Variants in IRAK3 observed in about 807,000 individuals in gnomAD.
IRAK3 encodes the protein interleukin 1 receptor associated kinase 3.
Under a neutral mutation model 56.6 loss-of-function variants are expected in IRAK3, and 57 were observed. That is an observed-to-expected ratio of 1.01 (90% confidence interval 0.81 to 1.26). IRAK3 has a LOEUF of 1.26. Ranked by LOEUF, IRAK3 falls within the 50% of genes most tolerant of loss-of-function variation. The pLI, the probability that IRAK3 is intolerant of heterozygous loss-of-function variation, is 0.00. For missense variants in IRAK3, 703 were observed against 719.0 expected, an observed-to-expected ratio of 0.98 and a Z score of 0.25; for synonymous variants, 258 against 255.7, an observed-to-expected ratio of 1.01 and a Z score of -0.09.
At chr12:66,226,889 G>A (rs2052792784) in intron 7 of IRAK3, 52 bp downstream of exon 7, 3 of 1,103,114 alleles carry the variant, frequency 2.7e-6, no homozygotes, top group Non-Finnish European at 4.2e-6. Flanking sequence ...GAATCCCTGG[G>A]AGAGCTGCTG....
intron 8 of IRAK3, among the ~76,000 whole-genome samples, chr12:66,236,072 T>C (rs2052904410): frequency 6.6e-6 from 1 of 152,252 alleles, no homozygotes; most frequent in Admixed American, 6.5e-5. Flanking sequence ...AGCTTGATAA[T>C]CTGTCATTTT....
chr12:66,233,798 T>G (rs2052871479), intron 8 of IRAK3, among the ~76,000 whole-genome samples: 1 of 144,146 alleles, frequency 6.9e-6, no homozygotes, highest in Non-Finnish European at 1.5e-5. Flanking sequence ...TTTTTTTTTT[T>G]GCATCATAAC....
intron 2 of IRAK3, among the ~76,000 whole-genome samples, chr12:66,208,774 A>G (rs758884419): frequency 7.1e-6 from 1 of 140,728 alleles, no homozygotes; most frequent in Non-Finnish European, 1.5e-5. Flanking sequence ...AAAAAAAGAA[A>G]AAAGGCCCAG....
intron 5 of IRAK3, among the ~76,000 whole-genome samples, chr12:66,214,485 G>A (rs1419090286): frequency 6.6e-6 from 1 of 152,042 alleles, no homozygotes; most frequent in African/African-American, 2.4e-5. Flanking sequence ...AGGTTGCAGT[G>A]AGCCAAGATC....
At chr12:66,244,445 T>G in intron 8 of IRAK3, 41 bp from the exon 9 acceptor site, 3 of 1,465,552 alleles carry the variant, frequency 2.0e-6, no homozygotes, top group Non-Finnish European at 2.9e-6. Context: ...TGAAGTGCCT[T>G]TATGATATTT....
At chr12:66,238,040 T>C (rs2052925922) in intron 8 of IRAK3, among the ~76,000 whole-genome samples, 1 of 152,182 alleles carries the variant, frequency 6.6e-6, no homozygotes, top group Admixed American at 6.5e-5. Flanking sequence ...ACAGCAGGAA[T>C]TTTGGAGAAA....
chr12:66,215,786 G>GCGCACACACACACACA (rs1555203499), intron 5 of IRAK3, among the ~76,000 whole-genome samples: 1 of 122,834 alleles, frequency 8.1e-6, no homozygotes, highest in African/African-American at 3.1e-5. Context: ...AACCCAACAT[G>GCGCACACACACACACA]CACACACACA....
At chr12:66,239,090 A>T (rs926279654) in intron 8 of IRAK3, among the ~76,000 whole-genome samples, 6 of 152,212 alleles carry the variant, frequency 3.9e-5, no homozygotes, top group African/African-American at 1.4e-4. Context: ...AATGCATTTT[A>T]TCCTTAGCAT....
chr12:66,214,592 C>T (rs184084287), intron 5 of IRAK3, among the ~76,000 whole-genome samples: 3 of 151,888 alleles, frequency 2.0e-5, no homozygotes, highest in Admixed American at 1.3e-4. Context: ...GGCAGAAAGA[C>T]CTGGTAGAGG....
At chr12:66,247,033 T>TA (rs1418486845) in intron 11 of IRAK3, among the ~76,000 whole-genome samples, 3 of 152,016 alleles carry the variant, frequency 2.0e-5, no homozygotes, top group Admixed American at 2.0e-4. Flanking sequence ...ACTTTGAGAG[T>TA]CTGAGGTGGG....
At chr12:66,237,913 A>T (rs547638133) in intron 8 of IRAK3, among the ~76,000 whole-genome samples, 30 of 152,352 alleles carry the variant, frequency 2.0e-4, no homozygotes, top group Admixed American at 1.0e-3. Flanking sequence ...TCCTCTTTAC[A>T]TAATTGATTA....
intron 11 of IRAK3, 32 bp from the exon 12 acceptor site, chr12:66,247,663 A>T: frequency 7.6e-7 from 1 of 1,309,492 alleles, no homozygotes; most frequent in Non-Finnish European, 1.1e-6. Context: ...ATTCAAACTT[A>T]ATTTAATGTC....
Position 66,248,107 on chromosome 12 carries a change from C to T in IRAK3, c.1727C>T (p.Pro576Leu). 6.2e-7 allele frequency: 1 copy of T among 1,609,806 alleles called. No homozygotes were observed. Among genetic ancestry groups the T allele is most frequent in the Non-Finnish European group, 8.5e-7 (1 of 1,178,246 alleles). Reference protein sequence around the residue: ...EAPGHSCRSRPVESSCSSKFS... With the variant: ...EAPGHSCRSRLVESSCSSKFS... ...CCAGGGCATTCTTGCAGGAGCAGGC[C>T]AGTGGAGAGCAGCTGTTCCTCCAAA... The change falls in exon 12 of 12, where the codon CCA becomes CTA. Residue 576 changes from proline to leucine, a missense_variant. Coordinates refer to ENST00000261233, the MANE Select transcript of IRAK3 (RefSeq NM_007199.3).
intron 8 of IRAK3, chr12:66,234,271 G>T: frequency 6.2e-7 from 1 of 1,613,154 alleles, no homozygotes. Flanking sequence ...TCATCTGCTG[G>T]GCCAGAGGGC....
At chr12:66,197,298 G>T in intron 1 of IRAK3, 1 of 1,078,670 alleles carries the variant, frequency 9.3e-7, no homozygotes. Context: ...TATTTGATAT[G>T]TACTGCGAGT....
intron 6 of IRAK3, among the ~76,000 whole-genome samples, chr12:66,226,159 T>G (rs1273120465): frequency 6.6e-6 from 1 of 152,240 alleles, no homozygotes; most frequent in Non-Finnish European, 1.5e-5. Context: ...TTTTTTAAAT[T>G]TTCTGCCTTA....
intron 8 of IRAK3, among the ~76,000 whole-genome samples, chr12:66,240,757 A>G (rs1356890326): frequency 6.6e-6 from 1 of 151,478 alleles, no homozygotes; most frequent in Non-Finnish European, 1.5e-5. Flanking sequence ...GCCTTTCCTG[A>G]GAGTTTCCAG....
chr12:66,235,363 G>A (rs1281370718), intron 8 of IRAK3: 2 of 1,027,728 alleles, frequency 1.9e-6, no homozygotes, highest in East Asian at 8.4e-5. Context: ...GGGGGAGGAC[G>A]CAAGGAGGGG....
At chr12:66,189,514 G>A in intron 1 of IRAK3, 82 bp downstream of exon 1, 1 of 967,978 alleles carries the variant, frequency 1.0e-6, no homozygotes, top group Non-Finnish European at 1.3e-6. Flanking sequence ...TGCATGGCTG[G>A]GGTCCCTCGC....
Sources: allele counts gnomAD v4.1 joint callset (sites outside exome capture counted in the v4.1 genomes callset), GRCh38; gene constraint gnomAD v4.1.1; transcripts MANE v1.5; gene names NCBI Gene and HGNC (gene_info 2026-07-23, HGNC 2026-07-21).